The following CREB3L1 variants were observed in gnomAD, a reference collection of about 807,000 sequenced individuals.
CREB3L1 encodes cyclic AMP-responsive element-binding protein 3-like protein 1.
CREB3L1 carries 33 observed loss-of-function variants against 54.5 expected under a neutral mutation model. The ratio of observed to expected loss-of-function variants is 0.61; its 90% CI spans 0.46 to 0.81. CREB3L1 has a LOEUF of 0.81. Among genes scored for constraint, CREB3L1 ranks in the 30% least tolerant of loss-of-function variants. The probability of loss-of-function intolerance (pLI) is 0.00; values close to 1 mark genes in which losing one functional copy is unlikely to be tolerated. For missense variants in CREB3L1, 656 were observed against 673.3 expected (o/e 0.97, Z 0.29); for synonymous variants, 284 against 286.4 (o/e 0.99, Z 0.08).
intron 1 of CREB3L1, among the ~76,000 whole-genome samples, chr11:46,292,415 A>T (rs1386642550): frequency 6.6e-6 from 1 of 152,236 alleles, no homozygotes; most frequent in Non-Finnish European, 1.5e-5. Context: ...ATGCCTGAGC[A>T]TCCACTGTGT....
intron 1 of CREB3L1, among the ~76,000 whole-genome samples, chr11:46,285,931 G>A (rs1256499606): frequency 6.6e-6 from 1 of 152,194 alleles, no homozygotes; most frequent in Non-Finnish European, 1.5e-5. Context: ...ACAGGGGCTC[G>A]CTTTGGAGGC....
In CREB3L1 at chr11:46,295,525, G is replaced by A. The variant is rs1299126682; in HGVS notation, c.103-4410G>A. Among the ~76,000 whole-genome samples the A allele has an allele frequency of 6.6e-6, 1 of 152,196 alleles. No individual in the cohort carries two copies. The highest frequency in any genetic ancestry group is 1.9e-4 in the East Asian group (1 of 5,186). ...TGCCTCGGCCCCAGACGCAGAAGGG[G>A]TCCCATGCAGGCCCGAGCCAGTGCA... On this transcript the variant is annotated intron_variant, in intron 1 of 11. Transcript: ENST00000621158. This position sits in a 1 kb window ranked among gnomAD's most constrained non-coding sequence, Gnocchi z 4.6.
rs376518615 is a variant in CREB3L1 at position 46,300,073 on chromosome 11, G to A, written c.241G>A (p.Gly81Ser). The A allele has an allele frequency of 6.1e-5, 98 of 1,613,842 alleles. No individual in the cohort carries two copies. Among genetic ancestry groups the A allele is most frequent in the Non-Finnish European group, 8.1e-5 (96 of 1,179,886 alleles). ...LDMELDSPTP[G>S]IQAEHSYSLS... is the part of the protein sequence containing the mutation. Reference sequence around the variant, plus strand: ...CATGGAACTGGACTCCCCTACGCCAGGCATCCAGGCGGAGCACAGCTACTC... The same window carrying A: ...CATGGAACTGGACTCCCCTACGCCAAGCATCCAGGCGGAGCACAGCTACTC... Residue 81 changes from glycine (G) to serine (S), a missense_variant, in exon 2 of 12, where the codon GGC becomes AGC. This residue lies in a region of CREB3L1 where 339 missense variants were observed against 331.5 expected (regional missense o/e 1.02). Coordinates refer to ENST00000621158, the MANE Select transcript of CREB3L1 (RefSeq NM_052854.4).
chr11:46,298,408 C>T (rs951544942), intron 1 of CREB3L1, among the ~76,000 whole-genome samples: 9 of 152,184 alleles, frequency 5.9e-5, no homozygotes, highest in African/African-American at 1.2e-4. Flanking sequence ...ACAATAGAAA[C>T]ATTTATTGGA....
rs771366062 is a variant in CREB3L1 at position 46,307,846 on chromosome 11, A to G, written c.362A>G (p.His121Arg). The G allele has an allele frequency of 5.1e-6, 8 of 1,582,344 alleles. No homozygotes were observed. Among genetic ancestry groups the G allele is most frequent in the Non-Finnish European group, 6.9e-6 (8 of 1,164,328 alleles). ...GAGCATGGAGCATGGGCGCTGGGAC[A>G]CAAACTGTGCTCCATCATGGTGAAG... ...DAEHGAWALG[H>R]KLCSIMVKQE... The change falls in exon 3 of 12, where the codon CAC (histidine) becomes CGC (arginine). Residue 121 changes from histidine (H) to arginine (R), a missense_variant. Transcript: ENST00000621158.
chr11:46,313,265 G>A (rs1939517594), intron 8 of CREB3L1, among the ~76,000 whole-genome samples: 5 of 152,248 alleles, frequency 3.3e-5, no homozygotes, highest in East Asian at 3.9e-4. Flanking sequence ...AGGGCCCAGC[G>A]CCCTGTGTTT....
chr11:46,281,095 T>C (rs1036621043), intron 1 of CREB3L1, among the ~76,000 whole-genome samples: 2 of 152,230 alleles, frequency 1.3e-5, no homozygotes, highest in African/African-American at 4.8e-5. Flanking sequence ...CTTATTTTTC[T>C]TTCTATGAGG....
chr11:46,320,881 C>A lies in CREB3L1; in HGVS notation c.*135C>A. Reference sequence around the variant, plus strand: ...CAGGAGAAAAGGCTCCACTTCCCAGCCCTTCCTTGCCCCTGACATTTGGAC... The same window carrying A: ...CAGGAGAAAAGGCTCCACTTCCCAGACCTTCCTTGCCCCTGACATTTGGAC... On this transcript the variant is annotated 3_prime_UTR_variant, in exon 12 of 12. Transcript: ENST00000621158. The A allele has an allele frequency of 1.1e-6, 1 of 910,076 alleles. No individual in the cohort carries two copies. The highest frequency in any genetic ancestry group is 1.8e-6 in the Non-Finnish European group (1 of 563,598). 56.4% of individuals were successfully genotyped at this position (910,076 alleles called of 1,614,324 possible).
rs1590343821 is a variant in CREB3L1 at position 46,299,917 on chromosome 11, C to G, written c.103-18C>G. The G allele has an allele frequency of 2.5e-6, 4 of 1,595,452 alleles. No homozygotes were observed. Among genetic ancestry groups the G allele is most frequent in the Non-Finnish European group, 3.4e-6 (4 of 1,163,692 alleles). On this transcript the variant is annotated intron_variant, in intron 1 of 11. Coordinates refer to ENST00000621158, the MANE Select transcript of CREB3L1 (RefSeq NM_052854.4). ...GCAAAGCTGAATTCCCTCTTCCCCTCACCTCTTCCTTCCCTAGCACTTTCC... is the reference window on the plus strand; with the variant it reads ...GCAAAGCTGAATTCCCTCTTCCCCTGACCTCTTCCTTCCCTAGCACTTTCC...
intron 5 of CREB3L1, among the ~76,000 whole-genome samples, 190 bp downstream of exon 5, chr11:46,311,379 G>T (rs1293316190): frequency 2.6e-5 from 4 of 152,328 alleles, no homozygotes; most frequent in African/African-American, 9.6e-5. Flanking sequence ...TGTTGCCCAG[G>T]CTGGAGTGCA....
chr11:46,289,760 C>T (rs1388885220), intron 1 of CREB3L1, among the ~76,000 whole-genome samples: 1 of 152,194 alleles, frequency 6.6e-6, no homozygotes, highest in Non-Finnish European at 1.5e-5. Flanking sequence ...AATGAGGGGG[C>T]TCCAGCTCTA....
chr11:46,318,017 C>T (rs996946497), intron 10 of CREB3L1, among the ~76,000 whole-genome samples: 7 of 152,120 alleles, frequency 4.6e-5, no homozygotes, highest in East Asian at 1.9e-4. Flanking sequence ...AGGAGTTCGA[C>T]GCCAGCCTGG....
At chr11:46,296,440 T>C (rs1226259671) in intron 1 of CREB3L1, among the ~76,000 whole-genome samples, 2 of 151,502 alleles carry the variant, frequency 1.3e-5, no homozygotes, top group African/African-American at 4.9e-5. Context: ...TTTCCCTCTC[T>C]GGACTGGAGT....
Position 46,298,569 on chromosome 11 carries a change from C to T in CREB3L1, c.103-1366C>T, listed in dbSNP as rs199953266. On this transcript the variant is annotated intron_variant, in intron 1 of 11. Coordinates refer to ENST00000621158, the MANE Select transcript of CREB3L1 (RefSeq NM_052854.4). Reference sequence around the variant, plus strand: ...AAAAAATTAGCTGGGCGTGGTGGTGCGCACCTGTAGTCCCGGCTGCTTGGG... The same window carrying T: ...AAAAAATTAGCTGGGCGTGGTGGTGTGCACCTGTAGTCCCGGCTGCTTGGG... Among the ~76,000 whole-genome samples the T allele has an allele frequency of 1.8e-4, 28 of 152,100 alleles. No homozygotes were observed. In the East Asian group the frequency reaches 4.3e-3, roughly 23 times the overall value.
intron 1 of CREB3L1, among the ~76,000 whole-genome samples, chr11:46,283,925 G>A (rs1431650716): frequency 6.6e-6 from 1 of 152,082 alleles, no homozygotes; most frequent in African/African-American, 2.4e-5. Context: ...ATTCCTGAAG[G>A]GATCCTGGGG....
chr11:46,314,363 G>C (rs1227964519), intron 8 of CREB3L1, among the ~76,000 whole-genome samples: 1 of 152,018 alleles, frequency 6.6e-6, no homozygotes, highest in African/African-American at 2.4e-5. Flanking sequence ...ATTCATGTTA[G>C]CTTTTATTCT....
At chr11:46,318,918 G>T (rs964855307) in intron 10 of CREB3L1, among the ~76,000 whole-genome samples, 4 of 152,160 alleles carry the variant, frequency 2.6e-5, no homozygotes, top group African/African-American at 9.7e-5. Flanking sequence ...GTAGAGACAG[G>T]GAGAGTGAAA....
rs78462589 is a variant in CREB3L1 at position 46,321,071 on chromosome 11, C to T, written c.*325C>T. ...CTGCACCCAAACAGACACATCAACG[C>T]ACCCCACTCACAGACACCCCTTACC... On this transcript the variant is annotated 3_prime_UTR_variant, in exon 12 of 12. Coordinates refer to ENST00000621158, the MANE Select transcript of CREB3L1 (RefSeq NM_052854.4). The T allele has an allele frequency of 3.6e-6, 2 of 563,030 alleles. No individual in the cohort carries two copies. The highest frequency in any genetic ancestry group is 6.5e-6 in the Non-Finnish European group (2 of 307,780). 34.9% of individuals were successfully genotyped at this position (563,030 alleles called of 1,614,324 possible). A position where few individuals can be genotyped will look rare whatever the true frequency, so the allele number is the denominator to read the frequency against.
At chr11:46,304,748 G>GT (rs1343674694) in intron 2 of CREB3L1, among the ~76,000 whole-genome samples, 1 of 151,994 alleles carries the variant, frequency 6.6e-6, no homozygotes, top group Non-Finnish European at 1.5e-5. Flanking sequence ...AGAGTACGGT[G>GT]TTGCAATCTT....
Sources: allele counts gnomAD v4.1 joint callset (sites outside exome capture counted in the v4.1 genomes callset), GRCh38; gene constraint gnomAD v4.1.1; regional missense constraint gnomAD v4.1.1; non-coding constraint Gnocchi (gnomAD v3.1); transcripts MANE v1.5; gene names NCBI Gene and HGNC (gene_info 2026-07-23, HGNC 2026-07-21).